Variants in CACNA2D3 observed in about 807,000 individuals in gnomAD.
CACNA2D3 encodes calcium voltage-gated channel auxiliary subunit alpha2delta 3.
CACNA2D3 carries 60 observed loss-of-function variants against 160.6 expected under a neutral mutation model. The observed-to-expected ratio is 0.37, with a 90% CI of 0.30 to 0.46. The LOEUF (loss-of-function observed/expected upper bound fraction) is 0.46. Among genes scored for constraint, CACNA2D3 ranks in the 20% least tolerant of loss-of-function variants. The pLI, the probability that CACNA2D3 is intolerant of heterozygous loss-of-function variation, is 1.00. For missense variants in CACNA2D3, 1,205 were observed against 1,365.0 expected (o/e 0.88, Z 1.85); for synonymous variants, 558 against 492.9 (o/e 1.13, Z -1.75).
chr3:54,524,485 G>GTGTAA (rs1015888969), intron 5 of CACNA2D3, among the ~76,000 whole-genome samples: 16 of 152,000 alleles, frequency 1.1e-4, no homozygotes, highest in Non-Finnish European at 2.4e-4. Flanking sequence ...TTGTTGGGTG[G>GTGTAA]TGTCTGTTGC....
intron 13 of CACNA2D3, among the ~76,000 whole-genome samples, chr3:54,796,960 T>C (rs1702877895): frequency 6.6e-6 from 1 of 152,238 alleles, no homozygotes; most frequent in Non-Finnish European, 1.5e-5. Flanking sequence ...CCCATTCTTC[T>C]GGAGATGCTT....
At chr3:54,327,766 T>C (rs1704148545) in intron 3 of CACNA2D3, among the ~76,000 whole-genome samples, 1 of 152,162 alleles carries the variant, frequency 6.6e-6, no homozygotes, top group Non-Finnish European at 1.5e-5. Context: ...CCTTTTGTTT[T>C]TCAGCATCTT....
At chr3:54,297,198 T>C (rs1703361140) in intron 2 of CACNA2D3, among the ~76,000 whole-genome samples, 1 of 152,220 alleles carries the variant, frequency 6.6e-6, no homozygotes, top group Non-Finnish European at 1.5e-5. Context: ...CAGGTTGTGC[T>C]TTGGTAAAAT....
rs143211577 is a variant in CACNA2D3, at chr3:54,818,381, A to T, written c.1398+1511A>T. Among the ~76,000 whole-genome samples, 621 of 152,278 alleles carry T rather than the reference A, an allele frequency of 4.1e-3. 4 individuals are homozygous for T. Among genetic ancestry groups the T allele is most frequent in the African/African-American group, 0.013 (537 of 41,558 alleles). On this transcript the variant is annotated intron_variant, in intron 14 of 37. Coordinates refer to ENST00000474759, the MANE Select transcript of CACNA2D3 (RefSeq NM_018398.3). ...TTTTTAGTAGAGACAGGGTTTTGCC[A>T]TGTTGGCCAGGCTGATCTTGAATTC...
chr3:54,881,906 C>T (rs1575528365), intron 21 of CACNA2D3, among the ~76,000 whole-genome samples: 1 of 152,194 alleles, frequency 6.6e-6, no homozygotes, highest in African/African-American at 2.4e-5. Flanking sequence ...CCTAGATAGC[C>T]TCTGATTTAC....
chr3:54,241,635 C>G (rs901019906), intron 2 of CACNA2D3, among the ~76,000 whole-genome samples: 1 of 152,182 alleles, frequency 6.6e-6, no homozygotes, highest in Non-Finnish European at 1.5e-5. Context: ...GCTCACGTGG[C>G]TGTGGTCACA....
intron 5 of CACNA2D3, among the ~76,000 whole-genome samples, chr3:54,545,068 C>T (rs1434473187): frequency 6.6e-6 from 1 of 152,172 alleles, no homozygotes; most frequent in Non-Finnish European, 1.5e-5. Flanking sequence ...GTGTGATGTG[C>T]TGTGTACTTC....
At chr3:54,878,364 C>G (rs1699713607) in intron 18 of CACNA2D3, among the ~76,000 whole-genome samples, 1 of 151,974 alleles carries the variant, frequency 6.6e-6, no homozygotes, top group Non-Finnish European at 1.5e-5. Flanking sequence ...CATGGAAGGG[C>G]CACATGTAAT....
intron 2 of CACNA2D3, among the ~76,000 whole-genome samples, chr3:54,261,201 T>C (rs1702394400): frequency 6.6e-6 from 1 of 152,230 alleles, no homozygotes; most frequent in Non-Finnish European, 1.5e-5. Context: ...TTCTCTATTA[T>C]ACAGGGCAAG....
In CACNA2D3 at chr3:54,481,350, A is replaced by G. The variant is rs1327329153; in HGVS notation, c.382-22142A>G. On this transcript the variant is annotated intron_variant, in intron 4 of 37. Transcript: ENST00000474759. ...AGTGTGTTCCTGGGATGCCTTCAGGATTTCTTGGAAACCTTAAGCAGATGG... is the reference window on the plus strand; with the variant it reads ...AGTGTGTTCCTGGGATGCCTTCAGGGTTTCTTGGAAACCTTAAGCAGATGG... Among the ~76,000 whole-genome samples, 25 of 152,094 alleles carry G rather than the reference A, an allele frequency of 1.6e-4. 1 individual carries two copies. The highest frequency in any genetic ancestry group is 1.6e-3 in the Admixed American group (25 of 15,258).
chr3:54,768,346 G>T (rs898045861), intron 13 of CACNA2D3, among the ~76,000 whole-genome samples: 4 of 152,132 alleles, frequency 2.6e-5, no homozygotes, highest in Admixed American at 6.6e-5. Flanking sequence ...TTTTGACCAG[G>T]GACACATAAC....
At chr3:54,162,482 G>T (rs1275907618) in intron 2 of CACNA2D3, among the ~76,000 whole-genome samples, 2 of 152,144 alleles carry the variant, frequency 1.3e-5, no homozygotes, top group Non-Finnish European at 2.9e-5. Flanking sequence ...CTCATAATGT[G>T]ACAGGTGGGA....
intron 11 of CACNA2D3, among the ~76,000 whole-genome samples, chr3:54,737,896 C>A (rs1359904601): frequency 6.6e-6 from 1 of 152,132 alleles, no homozygotes; most frequent in Non-Finnish European, 1.5e-5. Flanking sequence ...GAACTCCTGA[C>A]CTCAGGTGAT....
At chr3:54,623,946 A>G (rs1051133312) in intron 9 of CACNA2D3, among the ~76,000 whole-genome samples, 6 of 152,036 alleles carry the variant, frequency 3.9e-5, no homozygotes, top group Admixed American at 2.0e-4. Context: ...TTTGTGTAGG[A>G]GAGTTGGGCA....
intron 3 of CACNA2D3, among the ~76,000 whole-genome samples, chr3:54,354,847 C>T (rs114507393): frequency 2.1e-3 from 317 of 152,266 alleles, no homozygotes; most frequent in African/African-American, 6.8e-3. Context: ...TGTAAGCCAA[C>T]GACTGCAGCT....
At chr3:54,146,540 C>T (rs979664134) in intron 2 of CACNA2D3, among the ~76,000 whole-genome samples, 1 of 152,212 alleles carries the variant, frequency 6.6e-6, no homozygotes, top group African/African-American at 2.4e-5. Context: ...CACTCTTCCT[C>T]TGTAGGGTTT....
intron 34 of CACNA2D3, among the ~76,000 whole-genome samples, chr3:55,009,767 TG>T (rs1703171358): frequency 6.6e-6 from 1 of 152,362 alleles, no homozygotes; most frequent in African/African-American, 2.4e-5. Context: ...ACAGACACAC[TG>T]CCTGTGTCTC....
chr3:54,776,880 G>A (rs115533382), intron 13 of CACNA2D3, among the ~76,000 whole-genome samples: 2,940 of 152,210 alleles, frequency 0.019, 81 homozygotes, highest in African/African-American at 0.065. Context: ...TGTGCCTTCC[G>A]AGAGCTGAGG....
chr3:54,602,655 G>C (rs560892884), intron 9 of CACNA2D3, among the ~76,000 whole-genome samples: 27 of 152,280 alleles, frequency 1.8e-4, no homozygotes, highest in African/African-American at 6.3e-4. Flanking sequence ...AAATTTCTTA[G>C]CTCTGACGAT....
Sources: gnomAD v4.1 joint callset for allele counts (sites outside exome capture counted in the v4.1 genomes callset) on GRCh38, gnomAD v4.1.1 for gene constraint, MANE v1.5 for transcripts, NCBI Gene and HGNC (gene_info 2026-07-23, HGNC 2026-07-21) for gene names.